Variants in OLFML2A observed in about 807,000 individuals in gnomAD.
OLFML2A encodes olfactomedin-like protein 2A.
OLFML2A carries 47 observed loss-of-function variants against 60.9 expected under a neutral mutation model. The ratio of observed to expected loss-of-function variants is 0.77; its 90% CI spans 0.61 to 0.98. OLFML2A has a LOEUF of 0.98. Among genes scored for constraint, OLFML2A ranks in the 50% least tolerant of loss-of-function variants. The pLI is 0.00. For missense variants in OLFML2A, 922 were observed against 879.8 expected (o/e 1.05, Z -0.61); for synonymous variants, 372 against 375.0 (o/e 0.99, Z 0.09).
At position 124,810,199 on chromosome 9, in the gene OLFML2A, C is replaced by G. The variant is rs200430413; in HGVS notation, c.1746C>G (p.Cys582Trp). ...CCTACGGGAACTGCTTCCTGGTGTG[C>G]GGCATCCTGTATGCCGTGGACACGT... ...RNSYGNCFLV[C>W]GILYAVDTYN... is the part of the protein sequence containing the mutation. The change falls in exon 8 of 8, where the codon TGC (cysteine) becomes TGG (tryptophan). Residue 582 changes from cysteine to tryptophan, a missense_variant. Transcript: ENST00000373580. The G allele has an allele frequency of 1.2e-6, 2 of 1,613,732 alleles. No individual in the cohort carries two copies. Among genetic ancestry groups the G allele is most frequent in the African/African-American group, 1.3e-5 (1 of 75,034 alleles).
intron 1 of OLFML2A, among the ~76,000 whole-genome samples, chr9:124,778,572 G>C (rs1243218873): frequency 6.6e-6 from 1 of 151,600 alleles, no homozygotes; most frequent in Non-Finnish European, 1.5e-5. Flanking sequence ...AAATTAGCTG[G>C]GCGCAGTGGC....
At chr9:124,808,875 G>T (rs1841950604) in intron 7 of OLFML2A, among the ~76,000 whole-genome samples, 1 of 152,026 alleles carries the variant, frequency 6.6e-6, no homozygotes, top group African/African-American at 2.4e-5. Flanking sequence ...CCTGGAACAG[G>T]CCGGGCGTGG....
chr9:124,779,906 C>T lies in OLFML2A; in HGVS notation c.90+2546C>T, dbSNP rs1396313267. On this transcript the variant is annotated intron_variant, in intron 1 of 7. Transcript: ENST00000373580. The surrounding 1 kb of genome is among the most constrained non-coding windows in gnomAD (Gnocchi z 4.1). ...CTGGGACTTGAAGTCAATGTAGGGC[C>T]CTAAAGGGTTAAGTTGGCCCCTCCT... Among the ~76,000 whole-genome samples the T allele has an allele frequency of 6.6e-6, 1 of 152,152 alleles. No homozygotes were observed. The highest frequency in any genetic ancestry group is 1.5e-5 in the Non-Finnish European group (1 of 68,032).
chr9:124,784,356 A>C (rs1380501060), intron 1 of OLFML2A, among the ~76,000 whole-genome samples: 1 of 151,926 alleles, frequency 6.6e-6, no homozygotes, highest in Non-Finnish European at 1.5e-5. Context: ...GATGCCCACC[A>C]CCACACCCGG....
rs117698153 is a variant in OLFML2A, at chr9:124,779,240, C to T, written c.90+1880C>T. Reference sequence around the variant, plus strand: ...GGGCAAATCACTGCCTGTCTCTGGGCTTCAGTTTCTTCATCTAAGAAACAT... The same window carrying T: ...GGGCAAATCACTGCCTGTCTCTGGGTTTCAGTTTCTTCATCTAAGAAACAT... On this transcript the variant is annotated intron_variant, in intron 1 of 7. Transcript: ENST00000373580. This position sits in a 1 kb window ranked among gnomAD's most constrained non-coding sequence, Gnocchi z 4.1. 7.3e-4 allele frequency among the ~76,000 whole-genome samples: 111 copies of T among 152,328 alleles called. 9 individuals carry two copies. In the East Asian group the frequency reaches 0.021, roughly 29 times the overall value.
intron 1 of OLFML2A, among the ~76,000 whole-genome samples, chr9:124,786,380 G>A (rs1174147890): frequency 6.6e-6 from 1 of 151,836 alleles, no homozygotes; most frequent in Non-Finnish European, 1.5e-5. Context: ...CCATGATCAG[G>A]CCACTGCACT....
At position 124,807,776 on chromosome 9, in the gene OLFML2A, C is replaced by G. The variant is rs201044904; in HGVS notation, c.1169-5C>G. On this transcript the variant is annotated splice_region_variant and splice_polypyrimidine_tract_variant and intron_variant, in intron 6 of 7. Transcript: ENST00000373580. ...TACCGATGCTGCCTGCCCTCCTCCC[C>G]ACAGGCAGAGAGGCGAGCTGTGAGG... 2.5e-6 allele frequency: 4 copies of G among 1,607,328 alleles called. No homozygotes were observed. Among genetic ancestry groups the G allele is most frequent in the Non-Finnish European group, 3.4e-6 (4 of 1,177,704 alleles).
In OLFML2A at chr9:124,804,244, C is replaced by T. The variant is rs745808390; in HGVS notation, c.1070C>T (p.Ser357Leu). ...GACCTGGCTTCTGGCACCCCCACTT[C>T]AATCCCTGCCACCACCACCACCGCC... ...RVDLASGTPT[S>L]IPATTTTATT... The change falls in exon 6 of 8, where the codon TCA becomes TTA. Residue 357 changes from serine (S) to leucine (L), a missense_variant. Transcript: ENST00000373580. 6.2e-7 allele frequency: 1 copy of T among 1,612,272 alleles called. No individual in the cohort carries two copies. Among genetic ancestry groups the T allele is most frequent in the Non-Finnish European group, 8.5e-7 (1 of 1,179,450 alleles).
At chr9:124,809,573 G>C (rs1318928168) in intron 7 of OLFML2A, among the ~76,000 whole-genome samples, 1 of 152,040 alleles carries the variant, frequency 6.6e-6, no homozygotes, top group Non-Finnish European at 1.5e-5. Flanking sequence ...TGCCATTCCA[G>C]AGCTGGGCGA....
Position 124,807,929 on chromosome 9 carries a change from C to T in OLFML2A, c.1317C>T (p.Ser439=), listed in dbSNP as rs151268992. The T allele has an allele frequency of 4.4e-5, 71 of 1,614,126 alleles. No individual in the cohort carries two copies. In the East Asian group the frequency reaches 1.6e-3, roughly 35 times the overall value. The change falls in exon 7 of 8, where the codon AGC becomes AGT. Residue 439 remains serine, a synonymous_variant. Transcript: ENST00000373580. ...IYVTNYYYGN[S]LVEFRNLENF... is the part of the protein sequence containing the mutation. Reference sequence around the variant, plus strand: ...TCACCAACTACTACTATGGAAACAGCCTGGTGGAGTTCCGCAACCTGGAAA... The same window carrying T: ...TCACCAACTACTACTATGGAAACAGTCTGGTGGAGTTCCGCAACCTGGAAA...
At chr9:124,782,406 C>T (rs183764484) in intron 1 of OLFML2A, among the ~76,000 whole-genome samples, 1 of 152,328 alleles carries the variant, frequency 6.6e-6, no homozygotes, top group Non-Finnish European at 1.5e-5. Flanking sequence ...GCAGGTACCC[C>T]TTAGAGAGCA....
At chr9:124,788,281 G>A (rs1207790944) in intron 2 of OLFML2A, among the ~76,000 whole-genome samples, 5 of 144,126 alleles carry the variant, frequency 3.5e-5, no homozygotes, top group Admixed American at 7.1e-5. Context: ...CAGCCTGAAC[G>A]ACAGAGCGAG....
At chr9:124,809,782 G>C (rs1199840288) in intron 7 of OLFML2A, 26 bp from the exon 8 acceptor site, 2 of 1,572,446 alleles carry the variant, frequency 1.3e-6, no homozygotes, top group Non-Finnish European at 1.7e-6. Flanking sequence ...CGGGAGGTCT[G>C]GGGTGACCAT....
At chr9:124,797,747 C>T (rs1251473668) in intron 3 of OLFML2A, among the ~76,000 whole-genome samples, 1 of 152,208 alleles carries the variant, frequency 6.6e-6, no homozygotes, top group Admixed American at 6.5e-5. Flanking sequence ...CTGCCAGGCC[C>T]CCCAGGTTTC....
At chr9:124,806,888 A>G (rs139588509) in intron 6 of OLFML2A, among the ~76,000 whole-genome samples, 169 of 150,658 alleles carry the variant, frequency 1.1e-3, no homozygotes, top group African/African-American at 3.7e-3. Flanking sequence ...GATTACAGGC[A>G]TGAGCCACCG....
rs760124792 is a variant in OLFML2A at position 124,795,078 on chromosome 9, A to G, written c.409A>G (p.Lys137Glu). 6.2e-6 allele frequency: 10 copies of G among 1,609,788 alleles called. No homozygotes were observed. In the East Asian group the frequency reaches 1.8e-4, roughly 29 times the overall value. ...CACCCTGTACAGCATGGACTTGATG[A>G]AGGTGCACGCCTACGTCCACAAGGT... ...EGTLYSMDLM[K>E]VHAYVHKVAS... is the part of the protein sequence containing the mutation. Residue 137 changes from lysine to glutamate, a missense_variant, in exon 3 of 8, where the codon AAG (lysine) becomes GAG (glutamate). Coordinates refer to ENST00000373580, the MANE Select transcript of OLFML2A (RefSeq NM_182487.4).
intron 7 of OLFML2A, among the ~76,000 whole-genome samples, chr9:124,809,469 C>G (rs1047222459): frequency 5.3e-5 from 8 of 152,026 alleles, no homozygotes; most frequent in African/African-American, 1.9e-4. Flanking sequence ...AGCAGATGGC[C>G]TGGGGAATGG....
intron 3 of OLFML2A, among the ~76,000 whole-genome samples, chr9:124,798,942 C>T (rs1841717471): frequency 6.6e-6 from 1 of 152,122 alleles, no homozygotes; most frequent in South Asian, 2.1e-4. Flanking sequence ...CGTAAATATA[C>T]AGACTCTCTT....
intron 4 of OLFML2A, among the ~76,000 whole-genome samples, chr9:124,800,068 T>C (rs1488943346): frequency 6.6e-6 from 1 of 152,232 alleles, no homozygotes; most frequent in Non-Finnish European, 1.5e-5. Flanking sequence ...ATAACACACC[T>C]GCGTGCAAAT....
Sources: gnomAD v4.1 joint callset for allele counts (sites outside exome capture counted in the v4.1 genomes callset) on GRCh38, gnomAD v4.1.1 for gene constraint, Gnocchi (gnomAD v3.1) non-coding constraint, MANE v1.5 for transcripts, NCBI Gene and HGNC (gene_info 2026-07-23, HGNC 2026-07-21) for gene names.